Variants in PRKCE observed in about 807,000 individuals in gnomAD.
PRKCE encodes protein kinase C epsilon.
A neutral mutation model predicts 85.4 loss-of-function variants in PRKCE; 16 were observed. That is an observed-to-expected ratio of 0.19 (90% confidence interval 0.13 to 0.28). The LOEUF is 0.28. Among genes scored for constraint, PRKCE ranks in the 10% least tolerant of loss-of-function variants. The pLI is 1.00. For synonymous variants in PRKCE, 388 were observed against 371.5 expected, an observed-to-expected ratio of 1.04 and a Z score of -0.51; for missense variants, 573 against 975.2, an observed-to-expected ratio of 0.59 and a Z score of 5.49.
chr2:45,768,544 G>C (rs887938795), intron 1 of PRKCE, among the ~76,000 whole-genome samples: 2 of 152,152 alleles, frequency 1.3e-5, no homozygotes, highest in African/African-American at 4.8e-5. Flanking sequence ...GGGCTCGATG[G>C]GTAGGGGAGA....
At chr2:46,134,374 C>T (rs1474832185) in intron 11 of PRKCE, among the ~76,000 whole-genome samples, 1 of 152,192 alleles carries the variant, frequency 6.6e-6, no homozygotes, top group Non-Finnish European at 1.5e-5. Flanking sequence ...CATACACTCT[C>T]CTGATCCAAA....
At position 45,886,361 on chromosome 2, in the gene PRKCE, C is replaced by G. The variant is rs577759258; in HGVS notation, c.412+43298C>G. 3.9e-5 allele frequency among the ~76,000 whole-genome samples: 6 copies of G among 152,312 alleles called. No individual in the cohort carries two copies. In the East Asian group the frequency reaches 1.2e-3, roughly 29 times the overall value. ...TTCTGTCTCTTCCTGAGAACCCCTGCCCATGACCGTCTGGCTATCTTAGAG... is the reference window on the plus strand; with the variant it reads ...TTCTGTCTCTTCCTGAGAACCCCTGGCCATGACCGTCTGGCTATCTTAGAG... On this transcript the variant is annotated intron_variant, in intron 2 of 14. Transcript: ENST00000306156.
At chr2:45,658,199 C>G (rs1248902654) in intron 1 of PRKCE, among the ~76,000 whole-genome samples, 1 of 152,126 alleles carries the variant, frequency 6.6e-6, no homozygotes, top group African/African-American at 2.4e-5. Context: ...AGCCAAGGGT[C>G]CCTGGATCTC....
In PRKCE at chr2:46,068,700, C is replaced by T. The variant is rs751146802; in HGVS notation, c.1438-17508C>T. ...CTGTCTTCATTTGCAAAGGCATCAC[C>T]AATGAGCAGGAGGATAGGAAATGCC... is the stretch of plus-strand genomic sequence containing the variant. On this transcript the variant is annotated intron_variant, in intron 10 of 14. Coordinates refer to ENST00000306156, the MANE Select transcript of PRKCE (RefSeq NM_005400.3). This position sits in a 1 kb window ranked among gnomAD's most constrained non-coding sequence, Gnocchi z 4.3. 2.0e-5 allele frequency among the ~76,000 whole-genome samples: 3 copies of T among 151,924 alleles called. No homozygotes were observed. The highest frequency in any genetic ancestry group is 2.9e-5 in the Non-Finnish European group (2 of 68,014).
At chr2:45,730,474 T>C (rs57147935) in intron 1 of PRKCE, among the ~76,000 whole-genome samples, 2,675 of 148,692 alleles carry the variant, frequency 0.018, 101 homozygotes, top group East Asian at 0.14. Context: ...TTTTTTTTTT[T>C]CCCGAGACAG....
At chr2:45,829,189 A>G (rs116308859) in intron 1 of PRKCE, among the ~76,000 whole-genome samples, 7,804 of 152,342 alleles carry the variant, frequency 0.051, 264 homozygotes, top group Middle Eastern at 0.082. Context: ...GTGATTTGAG[A>G]TAAATTCCCA....
At chr2:45,789,108 A>G (rs1470343284) in intron 1 of PRKCE, among the ~76,000 whole-genome samples, 1 of 152,114 alleles carries the variant, frequency 6.6e-6, no homozygotes, top group Admixed American at 6.5e-5. Context: ...AAGACAGATG[A>G]CAGGTTCTTG....
At position 45,910,221 on chromosome 2, in the gene PRKCE, G is replaced by A. The variant is rs538589326; in HGVS notation, c.413-66208G>A. Among the ~76,000 whole-genome samples, 10 of 152,326 alleles carry A rather than the reference G, an allele frequency of 6.6e-5. No individual in the cohort carries two copies. In the South Asian group the frequency reaches 2.1e-3, roughly 32 times the overall value. On this transcript the variant is annotated intron_variant, in intron 2 of 14. Transcript: ENST00000306156. ...AAGAAAAACATCCCATGTAACTGGA[G>A]CCTCACCTTAAGTGTCTCTGAAGGC...
intron 2 of PRKCE, among the ~76,000 whole-genome samples, chr2:45,929,154 G>C (rs186390450): frequency 6.6e-6 from 1 of 152,068 alleles, no homozygotes. Context: ...TGATCTGCTC[G>C]TCATCCTACC....
At chr2:45,892,034 C>A (rs1288270048) in intron 2 of PRKCE, among the ~76,000 whole-genome samples, 4 of 152,232 alleles carry the variant, frequency 2.6e-5, no homozygotes, top group African/African-American at 7.2e-5. Context: ...CTTGGCCCTG[C>A]TCTCCACAGT....
At chr2:45,708,771 C>T (rs1443164033) in intron 1 of PRKCE, among the ~76,000 whole-genome samples, 1 of 152,174 alleles carries the variant, frequency 6.6e-6, no homozygotes, top group African/African-American at 2.4e-5. Flanking sequence ...TTCTTCTAGG[C>T]CAGCCCACAA....
At chr2:45,863,433 A>G (rs1315124292) in intron 2 of PRKCE, among the ~76,000 whole-genome samples, 1 of 152,050 alleles carries the variant, frequency 6.6e-6, no homozygotes, top group Non-Finnish European at 1.5e-5. Context: ...CTGCTCCGTG[A>G]TGAATCAGGA....
chr2:45,892,799 T>C (rs1695829460), intron 2 of PRKCE, among the ~76,000 whole-genome samples: 1 of 152,148 alleles, frequency 6.6e-6, no homozygotes, highest in African/African-American at 2.4e-5. Context: ...TGATAGCAAA[T>C]AGATTGTCCT....
rs953780704 is a variant in PRKCE, at chr2:46,026,986, G to A, written c.1437+16469G>A. Among the ~76,000 whole-genome samples, 4 of 152,172 alleles carry A rather than the reference G, an allele frequency of 2.6e-5. No homozygotes were observed. In the South Asian group the frequency reaches 8.3e-4, roughly 32 times the overall value. ...GGATTGCTTGAGCCCTGGGAACATA[G>A]TGAGACCCTGTCTCTACAAAAAATT... On this transcript the variant is annotated intron_variant, in intron 10 of 14. Transcript: ENST00000306156.
intron 1 of PRKCE, among the ~76,000 whole-genome samples, chr2:45,824,149 T>C (rs1369821609): frequency 1.3e-5 from 2 of 152,228 alleles, no homozygotes; most frequent in Non-Finnish European, 1.5e-5. Flanking sequence ...GGAGAGGTAA[T>C]CTTGAGGCAA....
At chr2:45,815,827 C>T (rs1688997766) in intron 1 of PRKCE, among the ~76,000 whole-genome samples, 2 of 152,204 alleles carry the variant, frequency 1.3e-5, no homozygotes, top group Non-Finnish European at 2.9e-5. Flanking sequence ...AGTTCTGCCT[C>T]AGCTGCCTTC....
chr2:46,134,806 C>G (rs1674793630), intron 11 of PRKCE, among the ~76,000 whole-genome samples: 1 of 152,230 alleles, frequency 6.6e-6, no homozygotes, highest in South Asian at 2.1e-4. Flanking sequence ...GATAGGGGAA[C>G]TAGGTGTAAG....
chr2:45,770,594 C>G (rs1573284445), intron 1 of PRKCE: 1 of 152,176 alleles, frequency 6.6e-6, no homozygotes, highest in Non-Finnish European at 1.5e-5. Context: ...CCCCCACAAC[C>G]ACAAAAACAC....
intron 2 of PRKCE, among the ~76,000 whole-genome samples, chr2:45,942,967 C>T (rs1039733410): frequency 1.3e-5 from 2 of 152,184 alleles, no homozygotes; most frequent in Admixed American, 1.3e-4. Context: ...CAGAAGTTAG[C>T]TGCTGCTGTT....
Sources: allele counts gnomAD v4.1 joint callset (sites outside exome capture counted in the v4.1 genomes callset), GRCh38; gene constraint gnomAD v4.1.1; non-coding constraint Gnocchi (gnomAD v3.1); transcripts MANE v1.5; gene names NCBI Gene and HGNC (gene_info 2026-07-23, HGNC 2026-07-21).